MAP3K8: variants seen among roughly 807,000 people sequenced by gnomAD.
MAP3K8 encodes mitogen-activated protein kinase kinase kinase 8.
A neutral mutation model predicts 45.8 loss-of-function variants in MAP3K8; 22 were observed. The observed-to-expected ratio is 0.48, with a 90% CI of 0.34 to 0.69. The LOEUF is 0.69. Ranked by LOEUF, MAP3K8 falls within the 30% of genes least tolerant of loss-of-function variation. The pLI is 0.01. For missense variants in MAP3K8, 419 were observed against 585.0 expected, an observed-to-expected ratio of 0.72 and a Z score of 2.93; for synonymous variants, 223 against 214.3, an observed-to-expected ratio of 1.04 and a Z score of -0.36.
rs1836015392 is a variant in MAP3K8, at chr10:30,439,244, A to G, written c.306A>G (p.Arg102=). The G allele has an allele frequency of 6.2e-7, 1 of 1,614,234 alleles. No homozygotes were observed. The highest frequency in any genetic ancestry group is 1.1e-5 in the South Asian group (1 of 91,086). ...CTGCAAAGCATTTTTATGGACAACGACCACAGGAATCTGGAATTTTATTAA... is the reference window on the plus strand; with the variant it reads ...CTGCAAAGCATTTTTATGGACAACGGCCACAGGAATCTGGAATTTTATTAA... ...SNTAKHFYGQ[R]PQESGILLNM... The change falls in exon 3 of 9, where the codon CGA becomes CGG. Residue 102 remains arginine, a synonymous_variant. Transcript: ENST00000263056.
Position 30,450,369 on chromosome 10 carries a change from T to C in MAP3K8, c.616T>C (p.Phe206Leu). The C allele has an allele frequency of 6.2e-7, 1 of 1,614,136 alleles. No individual in the cohort carries two copies. Among genetic ancestry groups the C allele is most frequent in the Non-Finnish European group, 8.5e-7 (1 of 1,180,028 alleles). The change falls in exon 5 of 9, where the codon TTT (phenylalanine) becomes CTT (leucine). Residue 206 changes from phenylalanine (F) to leucine (L), a missense_variant. By Grantham distance (22) the Phe-to-Leu change is conservative (BLOSUM62 0). Coordinates refer to ENST00000263056, the MANE Select transcript of MAP3K8 (RefSeq NM_005204.4). ...CCTGTGGGGTGAAACTGTCCATCTC[T>C]TTATGGAAGCAGGCGAGGGAGGGTC... is the stretch of plus-strand genomic sequence containing the variant. ...AVLWGETVHL[F>L]MEAGEGGSVL... is the part of the protein sequence containing the mutation.
intron 6 of MAP3K8, among the ~76,000 whole-genome samples, chr10:30,456,403 A>T (rs2132828340): frequency 6.6e-6 from 1 of 152,268 alleles, no homozygotes; most frequent in Non-Finnish European, 1.5e-5. Context: ...GTTTGCTGAG[A>T]GCAAAAGGAA....
intron 3 of MAP3K8, among the ~76,000 whole-genome samples, chr10:30,445,887 TAGC>T (rs1403149639): frequency 6.6e-6 from 1 of 152,222 alleles, no homozygotes; most frequent in Non-Finnish European, 1.5e-5. Context: ...TAGCTAAAAT[TAGC>T]AGTGGTGGAG....
intron 3 of MAP3K8, among the ~76,000 whole-genome samples, chr10:30,445,430 CA>C (rs1452620889): frequency 6.6e-6 from 1 of 151,942 alleles, no homozygotes; most frequent in Non-Finnish European, 1.5e-5. Flanking sequence ...CAAAAACAAA[CA>C]AAAAAACCTA....
intron 3 of MAP3K8, among the ~76,000 whole-genome samples, chr10:30,447,255 C>A (rs1836372120): frequency 6.6e-6 from 1 of 152,232 alleles, no homozygotes; most frequent in Non-Finnish European, 1.5e-5. Context: ...CAAAGTAATT[C>A]TGCCCTCACT....
At chr10:30,447,472 C>A (rs945560758) in intron 3 of MAP3K8, among the ~76,000 whole-genome samples, 4 of 152,168 alleles carry the variant, frequency 2.6e-5, no homozygotes, top group Non-Finnish European at 5.9e-5. Flanking sequence ...TATTTTCAGC[C>A]TTTTGGTTGC....
rs753989140 is a variant in MAP3K8 at position 30,458,247 on chromosome 10, T to C, written c.1026+11T>C. On this transcript the variant is annotated intron_variant, in intron 7 of 8. Coordinates refer to ENST00000263056, the MANE Select transcript of MAP3K8 (RefSeq NM_005204.4). ...TCCTACCTGTACATAGTAAGTGGGG[T>C]TCAACCAGGGCTGGGGGCGGCGGGG... The C allele has an allele frequency of 3.8e-6, 3 of 787,738 alleles. No homozygotes were observed. The highest frequency in any genetic ancestry group is 3.8e-6 in the Non-Finnish European group (2 of 523,774). 48.8% of individuals were successfully genotyped at this position (787,738 alleles called of 1,614,324 possible).
intron 6 of MAP3K8, among the ~76,000 whole-genome samples, 188 bp from the exon 7 acceptor site, chr10:30,457,896 G>A (rs1049890448): frequency 4.6e-5 from 7 of 152,116 alleles, no homozygotes; most frequent in African/African-American, 1.7e-4. Flanking sequence ...GTGAGCCACC[G>A]CGCCCGGCCA....
intron 1 of MAP3K8, among the ~76,000 whole-genome samples, chr10:30,436,599 CT>C (rs1835916788): frequency 6.6e-6 from 1 of 151,514 alleles, no homozygotes; most frequent in African/African-American, 2.4e-5. Flanking sequence ...TCTTACAGCT[CT>C]TTTAGGATTT....
At chr10:30,443,658 T>G (rs972944026) in intron 3 of MAP3K8, among the ~76,000 whole-genome samples, 1 of 152,234 alleles carries the variant, frequency 6.6e-6, no homozygotes, top group Non-Finnish European at 1.5e-5. Context: ...TGCATGAATA[T>G]AGATCGATAC....
chr10:30,453,883 GA>G (rs371937321), intron 6 of MAP3K8, among the ~76,000 whole-genome samples: 2 of 122,906 alleles, frequency 1.6e-5, no homozygotes, highest in South Asian at 2.7e-4. Context: ...AAAAAAAAAA[GA>G]AAAAAAGAAG....
chr10:30,442,890 C>T (rs982040318), intron 3 of MAP3K8, among the ~76,000 whole-genome samples: 4 of 152,244 alleles, frequency 2.6e-5, no homozygotes, highest in East Asian at 1.9e-4. Flanking sequence ...TCCAGCCCTC[C>T]GTCTAGTACT....
At chr10:30,438,481 G>T (rs1835983480) in intron 2 of MAP3K8, among the ~76,000 whole-genome samples, 1 of 152,150 alleles carries the variant, frequency 6.6e-6, no homozygotes, top group Non-Finnish European at 1.5e-5. Context: ...GTCACCAGAG[G>T]CATAAAAAAG....
At chr10:30,435,463 C>A (rs1275225849) in intron 1 of MAP3K8, among the ~76,000 whole-genome samples, 1 of 152,106 alleles carries the variant, frequency 6.6e-6, no homozygotes, top group African/African-American at 2.4e-5. Flanking sequence ...ACGCATAATC[C>A]GGGGCTTTTT....
At chr10:30,454,088 C>T (rs1421973931) in intron 6 of MAP3K8, among the ~76,000 whole-genome samples, 1 of 152,156 alleles carries the variant, frequency 6.6e-6, no homozygotes, top group Admixed American at 6.5e-5. Flanking sequence ...GGTGTAAAAG[C>T]TGCCTCCTTG....
chr10:30,436,602 T>C (rs1835916888), intron 1 of MAP3K8, among the ~76,000 whole-genome samples: 1 of 152,074 alleles, frequency 6.6e-6, no homozygotes, highest in African/African-American at 2.4e-5. Context: ...TACAGCTCTT[T>C]TAGGATTTGT....
chr10:30,459,366 G>T lies in MAP3K8; in HGVS notation c.1138G>T (p.Ala380Ser), dbSNP rs368578451. The T allele has an allele frequency of 1.2e-6, 2 of 1,614,140 alleles. No individual in the cohort carries two copies. The highest frequency in any genetic ancestry group is 1.7e-4 in the Middle Eastern group (1 of 6,054). ...AAACCCCAATCACCGCCCAAGAGCC[G>T]CAGACCTACTAAAACATGAGGCCCT... ...ERNPNHRPRA[A>S]DLLKHEALNP... The change falls in exon 8 of 9, where the codon GCA (alanine) becomes TCA (serine). Residue 380 changes from alanine to serine, a missense_variant. Physicochemically the swap from Ala to Ser is moderately conservative, Grantham distance 99 (BLOSUM62 1). Coordinates refer to ENST00000263056, the MANE Select transcript of MAP3K8 (RefSeq NM_005204.4).
At chr10:30,453,270 A>C (rs930642394) in intron 6 of MAP3K8, among the ~76,000 whole-genome samples, 4 of 152,134 alleles carry the variant, frequency 2.6e-5, no homozygotes, top group African/African-American at 9.7e-5. Flanking sequence ...TATATTAGTG[A>C]TATAACTAAT....
At chr10:30,458,048 G>A (rs761211174) in intron 6 of MAP3K8, 36 bp from the exon 7 acceptor site, 1 of 1,414,904 alleles carries the variant, frequency 7.1e-7, no homozygotes, top group African/African-American at 1.5e-5. Flanking sequence ...CACAAAGGAG[G>A]GGAATGAAGC....
Sources: gnomAD v4.1 joint callset for allele counts (sites outside exome capture counted in the v4.1 genomes callset) on GRCh38, gnomAD v4.1.1 for gene constraint, MANE v1.5 for transcripts, NCBI Gene and HGNC (gene_info 2026-07-23, HGNC 2026-07-21) for gene names.